TNN: variants seen among roughly 807,000 people sequenced by gnomAD.
TNN encodes the protein tenascin N, also known as tenascin-N.
A neutral mutation model predicts 134.4 loss-of-function variants in TNN; 122 were observed. The ratio of observed to expected loss-of-function variants is 0.91; its 90% CI spans 0.78 to 1.06. TNN has a LOEUF of 1.06. Among genes scored for constraint, TNN ranks in the 50% least tolerant of loss-of-function variants. TNN has a pLI of 0.00. For synonymous variants in TNN, 710 were observed against 670.3 expected, an observed-to-expected ratio of 1.06 and a Z score of -0.91; for missense variants, 1,739 against 1,699.4, an observed-to-expected ratio of 1.02 and a Z score of -0.41.
intron 9 of TNN, among the ~76,000 whole-genome samples, chr1:175,100,513 A>G (rs1674694895): frequency 6.6e-6 from 1 of 152,198 alleles, no homozygotes; most frequent in Admixed American, 6.5e-5. Flanking sequence ...TAGGGCGAAA[A>G]TGATTGGTCA....
At chr1:175,122,847 T>C (rs12087735) in intron 11 of TNN, among the ~76,000 whole-genome samples, 6,069 of 152,052 alleles carry the variant, frequency 0.04, 369 homozygotes, top group African/African-American at 0.13. Context: ...GAAGAAGAGA[T>C]TGATGACACA....
At chr1:175,135,333 T>G (rs984644292) in intron 15 of TNN, among the ~76,000 whole-genome samples, 1 of 152,240 alleles carries the variant, frequency 6.6e-6, no homozygotes, top group Non-Finnish European at 1.5e-5. Context: ...ACATAGTAGA[T>G]GCTCAGTAAA....
intron 9 of TNN, among the ~76,000 whole-genome samples, chr1:175,115,311 G>A (rs1332971868): frequency 6.7e-6 from 1 of 149,002 alleles, no homozygotes; most frequent in African/African-American, 2.5e-5. Context: ...CAAAAGCATT[G>A]TTCCCTGGGG....
intron 6 of TNN, among the ~76,000 whole-genome samples, chr1:175,090,348 A>G (rs1674413582): frequency 6.6e-6 from 1 of 152,234 alleles, no homozygotes; most frequent in Non-Finnish European, 1.5e-5. Context: ...GAAAGACATT[A>G]GAGGAGGTCT....
Position 175,118,683 on chromosome 1 carries a change from G to A in TNN, c.2509G>A (p.Glu837Lys). Residue 837 changes from glutamate to lysine, a missense_variant, in exon 11 of 19, where the codon GAG (glutamate) becomes AAG (lysine). Glu to Lys is a moderately conservative substitution (Grantham distance 56). Coordinates refer to ENST00000239462, the MANE Select transcript of TNN (RefSeq NM_022093.2). ...GGTGCACTACACGTCTGCCAACGGA[G>A]AGACCAGGGAGGTTCCAGTGGGGAA... ...YVVHYTSANGETREVPVGKEQ... is the reference protein window; with the variant it reads ...YVVHYTSANGKTREVPVGKEQ... The A allele has an allele frequency of 2.5e-6, 4 of 1,614,260 alleles. No individual in the cohort carries two copies. Among genetic ancestry groups the A allele is most frequent in the Non-Finnish European group, 3.4e-6 (4 of 1,180,048 alleles).
At chr1:175,099,992 G>A (rs985610228) in intron 9 of TNN, among the ~76,000 whole-genome samples, 1 of 152,170 alleles carries the variant, frequency 6.6e-6, no homozygotes, top group African/African-American at 2.4e-5. Context: ...TGCTGTGCTA[G>A]GCCCAAGTCT....
intron 17 of TNN, among the ~76,000 whole-genome samples, chr1:175,138,446 TTGGTGACA>T (rs1376657534): frequency 2.0e-5 from 3 of 151,964 alleles, no homozygotes; most frequent in Admixed American, 6.6e-5. Flanking sequence ...AAAGGTGAGT[TTGGTGACA>T]TGGTGACATG....
At chr1:175,097,818 T>G in intron 8 of TNN, 135 bp downstream of exon 8, 30 of 1,235,746 alleles carry the variant, frequency 2.4e-5, no homozygotes, top group South Asian at 3.1e-5. Context: ...GACTGAGCTC[T>G]CGTGGTGATG....
chr1:175,119,054 CCAGACCCTTAGAAAGGGTTCTTGGAT>C (rs1675272426), intron 11 of TNN, among the ~76,000 whole-genome samples: 1 of 152,242 alleles, frequency 6.6e-6, no homozygotes, highest in Non-Finnish European at 1.5e-5. Flanking sequence ...GCGTCCCGAT[CCAGACCCTTAGAAAGGGTTCTTGGAT>C]CTTGTGCAAG....
chr1:175,140,241 T>G (rs1196990855), intron 17 of TNN, among the ~76,000 whole-genome samples: 1 of 152,258 alleles, frequency 6.6e-6, no homozygotes, highest in Non-Finnish European at 1.5e-5. Context: ...TTCTTTGGTT[T>G]CCAGTACCCT....
At chr1:175,119,022 AG>A (rs1180379728) in intron 11 of TNN, among the ~76,000 whole-genome samples, 198 bp downstream of exon 11, 2 of 152,276 alleles carry the variant, frequency 1.3e-5, no homozygotes, top group African/African-American at 4.8e-5. Flanking sequence ...ACCCAAAGAA[AG>A]AACAACGTGT....
At chr1:175,140,537 A>G (rs1047501802) in intron 17 of TNN, among the ~76,000 whole-genome samples, 3 of 152,200 alleles carry the variant, frequency 2.0e-5, no homozygotes, top group African/African-American at 4.8e-5. Flanking sequence ...CAGCAAATGA[A>G]CTGATGCCAA....
At chr1:175,123,196 T>G (rs1206670870) in intron 11 of TNN, among the ~76,000 whole-genome samples, 1 of 152,164 alleles carries the variant, frequency 6.6e-6, no homozygotes, top group Non-Finnish European at 1.5e-5. Flanking sequence ...TATTAAAAAG[T>G]GGGAGATGAT....
intron 1 of TNN, among the ~76,000 whole-genome samples, chr1:175,073,073 GGAA>G (rs1383139170): frequency 2.0e-5 from 3 of 151,862 alleles, no homozygotes; most frequent in African/African-American, 4.8e-5. Context: ...TTTTTGCCCA[GGAA>G]GAAGATTTTT....
chr1:175,124,609 A>T (rs1675461742), intron 12 of TNN, among the ~76,000 whole-genome samples: 1 of 152,200 alleles, frequency 6.6e-6, no homozygotes, highest in Non-Finnish European at 1.5e-5. Context: ...TGAACCCAGG[A>T]GGAGGAGGTT....
chr1:175,128,485 A>G, intron 14 of TNN, 110 bp from the exon 15 acceptor site: 2 of 1,306,824 alleles, frequency 1.5e-6, no homozygotes, highest in Non-Finnish European at 2.1e-6. Flanking sequence ...CTGAAGTAGG[A>G]AGTTATGAAA....
chr1:175,100,669 G>A (rs560076374), intron 9 of TNN, among the ~76,000 whole-genome samples: 233 of 150,744 alleles, frequency 1.5e-3, no homozygotes, highest in Non-Finnish European at 2.9e-3. Flanking sequence ...AACGGCTTTT[G>A]CAATGAATTA....
chr1:175,086,937 T>G (rs1674334750), intron 6 of TNN, among the ~76,000 whole-genome samples: 1 of 152,184 alleles, frequency 6.6e-6, no homozygotes, highest in South Asian at 2.1e-4. Context: ...AATATCTCAT[T>G]TAGTTCTCAC....
intron 8 of TNN, among the ~76,000 whole-genome samples, chr1:175,097,897 A>C (rs990685942): frequency 6.6e-6 from 1 of 152,232 alleles, no homozygotes; most frequent in East Asian, 1.9e-4. Context: ...GAAAGAGAGA[A>C]GTAAAGTCTT....
Sources: gnomAD v4.1 joint callset for allele counts (sites outside exome capture counted in the v4.1 genomes callset) on GRCh38, gnomAD v4.1.1 for gene constraint, MANE v1.5 for transcripts, NCBI Gene and HGNC (gene_info 2026-07-23, HGNC 2026-07-21) for gene names.